The following PLCL2 variants were observed in gnomAD, a reference collection of about 807,000 sequenced individuals.
The protein encoded by PLCL2 is phospholipase C like 2, also known as inactive phospholipase C-like protein 2.
A neutral mutation model predicts 79.6 loss-of-function variants in PLCL2; 4 were observed. The observed-to-expected ratio is 0.05, with a 90% CI of 0.02 to 0.11. The LOEUF (loss-of-function observed/expected upper bound fraction) is 0.11. PLCL2 is among the 10% of genes least tolerant of loss of function. The pLI is 1.00. For missense variants in PLCL2, 895 were observed against 1,291.0 expected, an observed-to-expected ratio of 0.69 and a Z score of 4.70; for synonymous variants, 484 against 457.7, an observed-to-expected ratio of 1.06 and a Z score of -0.73.
At chr3:17,079,882 C>T (rs936808631) in intron 5 of PLCL2, among the ~76,000 whole-genome samples, 3 of 152,160 alleles carry the variant, frequency 2.0e-5, no homozygotes, top group Non-Finnish European at 4.4e-5. Context: ...AAAGTCAGAT[C>T]CATGCAGCCC....
intron 5 of PLCL2, among the ~76,000 whole-genome samples, chr3:17,073,261 A>AT (rs1408400083): frequency 6.6e-6 from 1 of 152,144 alleles, no homozygotes; most frequent in African/African-American, 2.4e-5. Flanking sequence ...GAGTCACATG[A>AT]TTTTTTTGGT....
At chr3:16,896,806 G>T (rs767219871) in intron 1 of PLCL2, among the ~76,000 whole-genome samples, 1 of 152,156 alleles carries the variant, frequency 6.6e-6, no homozygotes, top group Non-Finnish European at 1.5e-5. Flanking sequence ...AGGAAAGGAC[G>T]AAGGGGAAAT....
intron 4 of PLCL2, among the ~76,000 whole-genome samples, chr3:17,048,133 T>C (rs1030148601): frequency 6.6e-6 from 1 of 151,492 alleles, no homozygotes; most frequent in Non-Finnish European, 1.5e-5. Context: ...TCCTAGGAGC[T>C]GAGGTTATCA....
At chr3:17,029,367 A>AAAG (rs1559525099) in intron 3 of PLCL2, among the ~76,000 whole-genome samples, 23 of 148,624 alleles carry the variant, frequency 1.5e-4, no homozygotes, top group South Asian at 1.3e-3. Flanking sequence ...AAGAAAGAAA[A>AAAG]AAAAAAACAA....
chr3:17,057,221 T>TG (rs747902234), intron 4 of PLCL2, among the ~76,000 whole-genome samples: 25 of 152,218 alleles, frequency 1.6e-4, no homozygotes, highest in Non-Finnish European at 2.6e-4. Context: ...TTATCCCCTT[T>TG]GGAGATTCTC....
chr3:17,059,037 C>A (rs1410865287), intron 4 of PLCL2, among the ~76,000 whole-genome samples: 1 of 152,040 alleles, frequency 6.6e-6, no homozygotes, highest in African/African-American at 2.4e-5. Flanking sequence ...TATATACTTC[C>A]AACCAATAAT....
In PLCL2 at chr3:17,028,839, C is replaced by T. The variant is rs76341851; in HGVS notation, c.3018+13928C>T. Among the ~76,000 whole-genome samples the T allele has an allele frequency of 2.4e-3, 372 of 152,182 alleles. 4 individuals are homozygous for T. The highest frequency in any genetic ancestry group is 6.8e-3 in the Middle Eastern group (2 of 294). ...GGCCCATGTGTCCTATGCAACATTG[C>T]GTTCTCAGCACCGACAGCAGAACCT... On this transcript the variant is annotated intron_variant, in intron 3 of 5. Transcript: ENST00000615277.
chr3:16,951,085 C>T (rs1383504724), intron 1 of PLCL2, among the ~76,000 whole-genome samples: 1 of 152,132 alleles, frequency 6.6e-6, no homozygotes, highest in Non-Finnish European at 1.5e-5. Flanking sequence ...GTTTGAGAAA[C>T]CCTGTGCTAG....
intron 3 of PLCL2, among the ~76,000 whole-genome samples, chr3:17,018,135 A>C (rs1435236491): frequency 6.6e-6 from 1 of 152,026 alleles, no homozygotes; most frequent in African/African-American, 2.4e-5. Context: ...AGTGGGAATG[A>C]CCCTATTAGC....
intron 1 of PLCL2, among the ~76,000 whole-genome samples, chr3:16,899,648 C>T (rs765271588): frequency 5.3e-5 from 8 of 151,990 alleles, no homozygotes; most frequent in Non-Finnish European, 8.8e-5. Context: ...TATGTCTTTT[C>T]GGGACCAGGG....
At chr3:16,925,462 T>C (rs1161652973) in intron 1 of PLCL2, among the ~76,000 whole-genome samples, 2 of 152,220 alleles carry the variant, frequency 1.3e-5, no homozygotes, top group African/African-American at 4.8e-5. Flanking sequence ...AGTTTTATTG[T>C]ATTTATAGTT....
intron 1 of PLCL2, among the ~76,000 whole-genome samples, chr3:16,951,901 C>CT (rs201690611): frequency 2.1e-3 from 322 of 151,620 alleles, no homozygotes; most frequent in Middle Eastern, 0.017. Context: ...AATACAAGAT[C>CT]TTTTTTTTGT....
chr3:17,020,085 T>G (rs543428240), intron 3 of PLCL2, among the ~76,000 whole-genome samples: 100 of 152,332 alleles, frequency 6.6e-4, no homozygotes, highest in African/African-American at 2.3e-3. Flanking sequence ...ATTCTTTTTA[T>G]GTTGAGAGTG....
At chr3:16,958,063 C>G (rs1352487643) in intron 1 of PLCL2, among the ~76,000 whole-genome samples, 1 of 152,116 alleles carries the variant, frequency 6.6e-6, no homozygotes, top group Non-Finnish European at 1.5e-5. Context: ...GGATTTGATC[C>G]TGTCATTATG....
chr3:16,888,384 C>G (rs1354742499), intron 1 of PLCL2, among the ~76,000 whole-genome samples: 2 of 152,204 alleles, frequency 1.3e-5, no homozygotes, highest in Non-Finnish European at 2.9e-5. Context: ...GATTAAAATT[C>G]AGAGTGAGCA....
Position 17,010,661 on chromosome 3 carries a change from T to G in PLCL2, c.1315T>G (p.Ser439Ala). 6.2e-7 allele frequency: 1 copy of G among 1,613,974 alleles called. No homozygotes were observed. The highest frequency in any genetic ancestry group is 8.5e-7 in the Non-Finnish European group (1 of 1,179,840). The change falls in exon 2 of 6, where the codon TCA (serine) becomes GCA (alanine). Residue 439 changes from serine (S) to alanine (A), a missense_variant. Coordinates refer to ENST00000615277, the MANE Select transcript of PLCL2 (RefSeq NM_001144382.2). This position sits in a 1 kb window ranked among gnomAD's most constrained non-coding sequence, Gnocchi z 5.8. ...KQPLSHYFIN[S>A]SHNTYLIEDQ... is the part of the protein sequence containing the mutation. ...ACCTCTGTCTCATTACTTTATAAAC[T>G]CATCTCATAATACATACTTAATAGA...
intron 1 of PLCL2, among the ~76,000 whole-genome samples, chr3:16,907,341 G>A (rs1575522326): frequency 6.6e-6 from 1 of 152,156 alleles, no homozygotes; most frequent in African/African-American, 2.4e-5. Context: ...CAACTTTATA[G>A]GACTGAATGT....
chr3:16,902,072 C>A (rs1313731261), intron 1 of PLCL2, among the ~76,000 whole-genome samples: 1 of 152,196 alleles, frequency 6.6e-6, no homozygotes. Context: ...CTGCTGTCTG[C>A]TCTGCATCCC....
At chr3:16,890,986 G>C (rs1245226136) in intron 1 of PLCL2, among the ~76,000 whole-genome samples, 1 of 152,218 alleles carries the variant, frequency 6.6e-6, no homozygotes, top group Non-Finnish European at 1.5e-5. Context: ...TGGCAAACCA[G>C]GGCAGGTTGT....
Sources: allele counts gnomAD v4.1 joint callset (sites outside exome capture counted in the v4.1 genomes callset), GRCh38; gene constraint gnomAD v4.1.1; non-coding constraint Gnocchi (gnomAD v3.1); transcripts MANE v1.5; gene names NCBI Gene and HGNC (gene_info 2026-07-23, HGNC 2026-07-21).